Variants in TMEM209 observed in about 807,000 individuals in gnomAD.
The protein encoded by TMEM209 is transmembrane protein 209.
A neutral mutation model predicts 76.2 loss-of-function variants in TMEM209; 65 were observed. The ratio of observed to expected loss-of-function variants is 0.85; its 90% CI spans 0.70 to 1.05. The LOEUF is 1.05. Ranked by LOEUF, TMEM209 falls within the 50% of genes least tolerant of loss-of-function variation. The probability of loss-of-function intolerance (pLI) is 0.00; values close to 1 mark genes in which losing one functional copy is unlikely to be tolerated. For missense variants in TMEM209, 623 were observed against 685.5 expected, an observed-to-expected ratio of 0.91 and a Z score of 1.02; for synonymous variants, 239 against 237.6, an observed-to-expected ratio of 1.01 and a Z score of -0.06.
chr7:130,182,477 A>G (rs186583130), intron 8 of TMEM209, among the ~76,000 whole-genome samples: 1 of 152,324 alleles, frequency 6.6e-6, no homozygotes, highest in East Asian at 1.9e-4. Flanking sequence ...CCTAACTCTC[A>G]GCAGGCTCAC....
At chr7:130,197,092 C>T (rs560610180) in intron 5 of TMEM209, among the ~76,000 whole-genome samples, 10 of 152,080 alleles carry the variant, frequency 6.6e-5, no homozygotes, top group African/African-American at 1.9e-4. Flanking sequence ...CACAGTGTTT[C>T]CTCAAAAAAT....
chr7:130,188,400 T>C (rs1212324552), intron 6 of TMEM209, among the ~76,000 whole-genome samples: 1 of 151,712 alleles, frequency 6.6e-6, no homozygotes, highest in Non-Finnish European at 1.5e-5. Context: ...ATCGAGACCA[T>C]CCTGGCTAAC....
chr7:130,179,675 C>A (rs1797347255), intron 9 of TMEM209, among the ~76,000 whole-genome samples: 1 of 152,188 alleles, frequency 6.6e-6, no homozygotes, highest in African/African-American at 2.4e-5. Flanking sequence ...AGATGTGTAT[C>A]TTCTAAGCCT....
At chr7:130,199,640 A>G (rs1798118614) in intron 5 of TMEM209, among the ~76,000 whole-genome samples, 1 of 152,246 alleles carries the variant, frequency 6.6e-6, no homozygotes, top group Admixed American at 6.5e-5. Context: ...ATAAATACAA[A>G]GATGTACAAG....
intron 14 of TMEM209, among the ~76,000 whole-genome samples, chr7:130,169,276 G>A (rs983401520): frequency 3.3e-5 from 5 of 150,868 alleles, no homozygotes; most frequent in Non-Finnish European, 7.4e-5. Flanking sequence ...CTTTACATCC[G>A]ATATATTTAA....
intron 5 of TMEM209, among the ~76,000 whole-genome samples, chr7:130,198,390 C>T (rs892130257): frequency 4.3e-4 from 65 of 152,084 alleles, no homozygotes; most frequent in Admixed American, 4.6e-4. Flanking sequence ...GTGGGCGGAT[C>T]ACTCGAGGTC....
At chr7:130,181,852 T>A in intron 8 of TMEM209, 133 bp from the exon 9 acceptor site, 1 of 665,742 alleles carries the variant, frequency 1.5e-6, no homozygotes, top group Non-Finnish European at 2.5e-6. Context: ...AATCATAAAG[T>A]ATAGTGAAAG....
chr7:130,201,693 G>GT (rs776413839), intron 5 of TMEM209, 157 bp downstream of exon 5: 12 of 911,434 alleles, frequency 1.3e-5, no homozygotes, highest in Non-Finnish European at 1.9e-5. Context: ...AAGATGTTGT[G>GT]TTTAAGATAT....
intron 6 of TMEM209, among the ~76,000 whole-genome samples, chr7:130,190,525 A>AT (rs1797758700): frequency 6.6e-6 from 1 of 152,074 alleles, no homozygotes; most frequent in Non-Finnish European, 1.5e-5. Flanking sequence ...TCTCAAAAAA[A>AT]GAAAAAAAAA....
chr7:130,202,502 C>T (rs2117039127), intron 4 of TMEM209, 30 bp downstream of exon 4: 1 of 1,573,944 alleles, frequency 6.4e-7, no homozygotes. Context: ...AACCTTTTCC[C>T]CACCTTTGCA....
rs572135769 is a variant in TMEM209 at position 130,165,207 on chromosome 7, G to A, written c.*1244C>T. On this transcript the variant is annotated 3_prime_UTR_variant, in exon 15 of 15. Coordinates refer to ENST00000397622, the MANE Select transcript of TMEM209 (RefSeq NM_032842.4). ...CACTGATACACGGTTCTTCAGAAAA[G>A]ACTAGTTTCAGCTGTTTCCAGGTTT... is the stretch of plus-strand genomic sequence containing the variant. 1.5e-4 allele frequency: 23 copies of A among 152,288 alleles called. No individual in the cohort carries two copies. The highest frequency in any genetic ancestry group is 4.8e-4 in the African/African-American group (20 of 41,554). 9.4% of individuals were successfully genotyped at this position (152,288 alleles called of 1,614,324 possible). A position where few individuals can be genotyped will look rare whatever the true frequency, so the allele number is the denominator to read the frequency against.
chr7:130,194,777 G>C (rs1340976974), intron 5 of TMEM209, among the ~76,000 whole-genome samples: 6 of 151,946 alleles, frequency 3.9e-5, no homozygotes, highest in Non-Finnish European at 4.4e-5. Flanking sequence ...ACAATTACTG[G>C]TCACTTGGAT....
intron 14 of TMEM209, among the ~76,000 whole-genome samples, chr7:130,169,065 C>T (rs7801314): frequency 0.18 from 27,972 of 151,708 alleles, 2,958 homozygotes; most frequent in Middle Eastern, 0.24. Context: ...GGAGAAACCC[C>T]GTCTCTACCA....
intron 13 of TMEM209, among the ~76,000 whole-genome samples, chr7:130,170,712 A>G (rs1402449795): frequency 6.6e-6 from 1 of 152,238 alleles, no homozygotes; most frequent in Non-Finnish European, 1.5e-5. Flanking sequence ...GGCAGACAGT[A>G]AACTAAGAAT....
At chr7:130,198,681 T>C (rs1295567910) in intron 5 of TMEM209, among the ~76,000 whole-genome samples, 1 of 152,252 alleles carries the variant, frequency 6.6e-6, no homozygotes, top group Non-Finnish European at 1.5e-5. Flanking sequence ...AAATAGCTTT[T>C]ACTATATTCA....
In TMEM209 at chr7:130,198,591, A is replaced by G. The variant is rs1163499205; in HGVS notation, c.573+3259T>C. On this transcript the variant is annotated intron_variant, in intron 5 of 14. Coordinates refer to ENST00000397622, the MANE Select transcript of TMEM209 (RefSeq NM_032842.4). Reference sequence around the variant, plus strand: ...ACACCACTGCACTCCAGCCTGGGTGATAAGAGTGAAACTCTGTCTCAAAAA... The same window carrying G: ...ACACCACTGCACTCCAGCCTGGGTGGTAAGAGTGAAACTCTGTCTCAAAAA... 3.9e-5 allele frequency among the ~76,000 whole-genome samples: 6 copies of G among 152,168 alleles called. No individual in the cohort carries two copies. In the East Asian group the frequency reaches 9.6e-4, roughly 24 times the overall value.
At chr7:130,188,579 G>A (rs996710747) in intron 6 of TMEM209, among the ~76,000 whole-genome samples, 8 of 129,668 alleles carry the variant, frequency 6.2e-5, no homozygotes, top group African/African-American at 2.4e-4. Flanking sequence ...CGGGGTGACA[G>A]AGTGAGACTC....
intron 6 of TMEM209, among the ~76,000 whole-genome samples, chr7:130,188,664 T>C (rs78617288): frequency 2.2e-4 from 32 of 142,998 alleles, no homozygotes; most frequent in African/African-American, 8.2e-4. Flanking sequence ...AGGACAAGGA[T>C]CATCAACAGA....
At position 130,202,073 on chromosome 7, in the gene TMEM209, G is replaced by T. The variant is rs180774592; in HGVS notation, c.350C>A (p.Pro117Gln). ...LKTAVVQTTP[P>Q]HDLAATQIPP... ...GATTTGGGTTGCTGCCAGATCATGT[G>T]GAGGCGTAGTCTGTACAACTAGAAG... The change falls in exon 5 of 15, where the codon CCA becomes CAA. Residue 117 changes from proline to glutamine, a missense_variant. Transcript: ENST00000397622. The T allele has an allele frequency of 1.9e-6, 3 of 1,613,424 alleles. No homozygotes were observed. The highest frequency in any genetic ancestry group is 4.5e-5 in the East Asian group (2 of 44,880).
Sources: gnomAD v4.1 joint callset for allele counts (sites outside exome capture counted in the v4.1 genomes callset) on GRCh38, gnomAD v4.1.1 for gene constraint, MANE v1.5 for transcripts, NCBI Gene and HGNC (gene_info 2026-07-23, HGNC 2026-07-21) for gene names.